SOX6: variants seen among roughly 807,000 people sequenced by gnomAD.
The protein encoded by SOX6 is SRY-box transcription factor 6.
A neutral mutation model predicts 97.8 loss-of-function variants in SOX6; 11 were observed. That is an observed-to-expected ratio of 0.11 (90% CI 0.07 to 0.19). The LOEUF is 0.19. Ranked by LOEUF, SOX6 falls within the 10% of genes least tolerant of loss-of-function variation. The probability of loss-of-function intolerance (pLI) is 1.00; values close to 1 mark genes in which losing one functional copy is unlikely to be tolerated. For missense variants in SOX6, 810 were observed against 1,039.5 expected (o/e 0.78, Z 3.04); for synonymous variants, 360 against 371.4 (o/e 0.97, Z 0.35).
intron 4 of SOX6, among the ~76,000 whole-genome samples, chr11:16,522,776 A>T (rs1337862342): frequency 6.6e-6 from 1 of 152,194 alleles, no homozygotes; most frequent in Non-Finnish European, 1.5e-5. Flanking sequence ...AAATAAAAGG[A>T]TGAAGGAAGA....
chr11:16,522,976 T>C (rs1861093168), intron 4 of SOX6, among the ~76,000 whole-genome samples: 1 of 152,154 alleles, frequency 6.6e-6, no homozygotes, highest in South Asian at 2.1e-4. Context: ...CCCAGATTCA[T>C]AAAGCAAGTC....
intron 1 of SOX6, among the ~76,000 whole-genome samples, chr11:16,347,556 A>C (rs1856802749): frequency 6.6e-6 from 1 of 152,154 alleles, no homozygotes; most frequent in Non-Finnish European, 1.5e-5. Flanking sequence ...TTATTTATGT[A>C]AGTTCACTTT....
At chr11:16,273,447 G>A (rs1450738663) in intron 3 of SOX6, among the ~76,000 whole-genome samples, 1 of 151,868 alleles carries the variant, frequency 6.6e-6, no homozygotes, top group Non-Finnish European at 1.5e-5. Flanking sequence ...GATCCAAAAA[G>A]TATTCTTCTG....
chr11:16,149,567 C>T (rs1850406215), intron 6 of SOX6, among the ~76,000 whole-genome samples: 3 of 152,066 alleles, frequency 2.0e-5, no homozygotes, highest in African/African-American at 7.2e-5. Context: ...TTATTCCCGT[C>T]CAGCAACCAC....
At chr11:16,647,217 G>A (rs900191368) in intron 3 of SOX6, among the ~76,000 whole-genome samples, 9 of 152,046 alleles carry the variant, frequency 5.9e-5, no homozygotes, top group African/African-American at 2.2e-4. Context: ...TCCTTTTGCT[G>A]TGCAGAAGCT....
Position 16,300,327 on chromosome 11 carries a change from A to G in SOX6, c.445+18119T>C, listed in dbSNP as rs1855221858. Reference sequence around the variant, plus strand: ...ACATTTTTACTGTCCCTTCCTTAAGAAAAAGCAGGTCTAATTAGTTGTCTT... The same window carrying G: ...ACATTTTTACTGTCCCTTCCTTAAGGAAAAGCAGGTCTAATTAGTTGTCTT... On this transcript the variant is annotated intron_variant, in intron 3 of 15. Transcript: ENST00000683767. The surrounding 1 kb of genome is among the most constrained non-coding windows in gnomAD (Gnocchi z 4.1). 6.6e-6 allele frequency among the ~76,000 whole-genome samples: 1 copy of G among 152,222 alleles called. No homozygotes were observed. Among genetic ancestry groups the G allele is most frequent in the Non-Finnish European group, 1.5e-5 (1 of 68,030 alleles).
intron 7 of SOX6, among the ~76,000 whole-genome samples, chr11:16,111,318 AT>A (rs1171474697): frequency 2.0e-5 from 3 of 152,168 alleles, no homozygotes; most frequent in African/African-American, 4.8e-5. Context: ...TGAATACTTC[AT>A]TTTTTTAGAT....
At chr11:16,380,439 C>T (rs1857777832) in intron 1 of SOX6, among the ~76,000 whole-genome samples, 1 of 151,844 alleles carries the variant, frequency 6.6e-6, no homozygotes, top group Admixed American at 6.6e-5. Context: ...TTTCCAATAA[C>T]CATAGTTTGG....
At chr11:15,973,952 G>A (rs972965820) in intron 15 of SOX6, among the ~76,000 whole-genome samples, 2 of 152,202 alleles carry the variant, frequency 1.3e-5, no homozygotes, top group Non-Finnish European at 2.9e-5. Flanking sequence ...AGGGAGACAT[G>A]ATTACTGTCT....
At chr11:16,193,200 C>T (rs978554757) in intron 4 of SOX6, among the ~76,000 whole-genome samples, 13 of 152,090 alleles carry the variant, frequency 8.5e-5, no homozygotes, top group South Asian at 4.1e-4. Flanking sequence ...CATTTCTCCA[C>T]ATCCTTTCTA....
At chr11:16,364,347 G>T (rs982571109) in intron 1 of SOX6, among the ~76,000 whole-genome samples, 1 of 152,054 alleles carries the variant, frequency 6.6e-6, no homozygotes, top group African/African-American at 2.4e-5. Context: ...GTAGCCCAAA[G>T]ACTTGCATTT....
At chr11:15,976,959 C>T (rs1321819564) in intron 15 of SOX6, among the ~76,000 whole-genome samples, 2 of 152,020 alleles carry the variant, frequency 1.3e-5, no homozygotes, top group Non-Finnish European at 2.9e-5. Flanking sequence ...CTTTCCATCC[C>T]CCTCACATGA....
chr11:16,166,209 C>A (rs1312479551), intron 6 of SOX6, among the ~76,000 whole-genome samples: 1 of 151,952 alleles, frequency 6.6e-6, no homozygotes, highest in Non-Finnish European at 1.5e-5. Context: ...ACCCACATTA[C>A]CAACTTTAAT....
At chr11:16,696,753 T>C (rs1319950152) in intron 3 of SOX6, among the ~76,000 whole-genome samples, 1 of 152,194 alleles carries the variant, frequency 6.6e-6, no homozygotes, top group Non-Finnish European at 1.5e-5. Context: ...GGCTGCTGAC[T>C]GATCTGGGTG....
intron 3 of SOX6, among the ~76,000 whole-genome samples, chr11:16,698,449 C>A (rs954930372): frequency 6.6e-6 from 1 of 152,176 alleles, no homozygotes; most frequent in African/African-American, 2.4e-5. Context: ...GATCTTCCAT[C>A]TGGACCACTA....
chr11:16,409,847 G>T (rs11608205), intron 1 of SOX6, among the ~76,000 whole-genome samples: 40,891 of 151,486 alleles, frequency 0.27, 7,105 homozygotes, highest in Non-Finnish European at 0.38. Context: ...AAAGCTTCAG[G>T]CTAATTTTCA....
At chr11:16,106,530 C>G (rs1386755161) in intron 7 of SOX6, among the ~76,000 whole-genome samples, 1 of 151,872 alleles carries the variant, frequency 6.6e-6, no homozygotes, top group Non-Finnish European at 1.5e-5. Context: ...ACTGGACATC[C>G]ATGTGCAAAA....
At chr11:15,992,885 A>C (rs1040612134) in intron 13 of SOX6, among the ~76,000 whole-genome samples, 2 of 149,418 alleles carry the variant, frequency 1.3e-5, no homozygotes, top group African/African-American at 5.0e-5. Flanking sequence ...AACATCTCCC[A>C]ATATTACTTT....
intron 4 of SOX6, among the ~76,000 whole-genome samples, chr11:16,189,725 C>T (rs914684914): frequency 2.6e-5 from 4 of 151,998 alleles, no homozygotes; most frequent in East Asian, 1.9e-4. Flanking sequence ...GGGATGTATA[C>T]GTATTTTATT....
Sources: gnomAD v4.1 joint callset for allele counts (sites outside exome capture counted in the v4.1 genomes callset) on GRCh38, gnomAD v4.1.1 for gene constraint, Gnocchi (gnomAD v3.1) non-coding constraint, MANE v1.5 for transcripts, NCBI Gene and HGNC (gene_info 2026-07-23, HGNC 2026-07-21) for gene names.